Variants in FHOD3 observed in about 807,000 individuals in gnomAD.
FHOD3 encodes FH1/FH2 domain-containing protein 3.
Under a neutral mutation model 173.0 loss-of-function variants are expected in FHOD3, and 90 were observed. The observed-to-expected ratio is 0.52, with a 90% CI of 0.44 to 0.62. The LOEUF (loss-of-function observed/expected upper bound fraction) is 0.62, where lower values mean the gene tolerates loss of function less well. FHOD3 is among the 20% of genes least tolerant of loss of function. The probability of loss-of-function intolerance (pLI) is 0.00; values close to 1 mark genes in which losing one functional copy is unlikely to be tolerated. For missense variants in FHOD3, 1,945 were observed against 2,034.7 expected (o/e 0.96, Z 0.85); for synonymous variants, 828 against 823.0 (o/e 1.01, Z -0.10).
rs555945916 is a variant in FHOD3 at position 36,763,265 on chromosome 18, G to A, written c.4624+2483G>A. Among the ~76,000 whole-genome samples the A allele has an allele frequency of 1.8e-3, 264 of 143,566 alleles. 1 individual carries two copies. Among genetic ancestry groups the A allele is most frequent in the Admixed American group, 3.5e-3 (49 of 14,072 alleles). The allele number at this position is 143,566 out of a possible 152,430, so 94.2% of individuals were successfully genotyped here. ...ATTATACACGTTATATACAATATGCGTATTATACACGTTATATACAATATG... is the reference window on the plus strand; with the variant it reads ...ATTATACACGTTATATACAATATGCATATTATACACGTTATATACAATATG... On this transcript the variant is annotated intron_variant, in intron 27 of 28. Transcript: ENST00000590592.
intron 3 of FHOD3, among the ~76,000 whole-genome samples, chr18:36,462,208 A>AG (rs769808389): frequency 1.3e-3 from 197 of 152,120 alleles, no homozygotes; most frequent in Non-Finnish European, 1.8e-3. Context: ...CCAGGAACAG[A>AG]GGGAGACATC....
At chr18:36,593,259 T>C (rs2059288371) in intron 6 of FHOD3, among the ~76,000 whole-genome samples, 1 of 152,094 alleles carries the variant, frequency 6.6e-6, no homozygotes, top group Non-Finnish European at 1.5e-5. Flanking sequence ...TCCTATCATA[T>C]TGGGGTGATG....
At chr18:36,310,270 T>C (rs2092220804) in intron 1 of FHOD3, among the ~76,000 whole-genome samples, 1 of 152,238 alleles carries the variant, frequency 6.6e-6, no homozygotes, top group Non-Finnish European at 1.5e-5. Context: ...GTGAAAATGA[T>C]ATCCTTTATT....
At chr18:36,360,769 A>G (rs1425649158) in intron 2 of FHOD3, among the ~76,000 whole-genome samples, 1 of 152,162 alleles carries the variant, frequency 6.6e-6, no homozygotes, top group African/African-American at 2.4e-5. Context: ...CAAAGCCTTC[A>G]TTGGATTCTC....
chr18:36,550,063 CT>C (rs2057581642), intron 5 of FHOD3, among the ~76,000 whole-genome samples: 1 of 151,646 alleles, frequency 6.6e-6, no homozygotes, highest in Non-Finnish European at 1.5e-5. Context: ...AAAAAATGAT[CT>C]TTTCTTCTAT....
At chr18:36,513,137 A>G (rs555046367) in intron 5 of FHOD3, among the ~76,000 whole-genome samples, 1 of 151,838 alleles carries the variant, frequency 6.6e-6, no homozygotes, top group African/African-American at 2.4e-5. Flanking sequence ...TTTTATAGTC[A>G]TAGGTTTTTT....
At chr18:36,447,634 A>G (rs1422286117) in intron 3 of FHOD3, among the ~76,000 whole-genome samples, 1 of 152,352 alleles carries the variant, frequency 6.6e-6, no homozygotes, top group East Asian at 1.9e-4. Context: ...CTCCAGCCTC[A>G]GGAAGTACCC....
At chr18:36,520,747 C>A (rs538545396) in intron 5 of FHOD3, among the ~76,000 whole-genome samples, 1 of 152,342 alleles carries the variant, frequency 6.6e-6, no homozygotes, top group South Asian at 2.1e-4. Context: ...TTTCTCCTTC[C>A]TTTTATCTGA....
chr18:36,547,057 T>C (rs12957090), intron 5 of FHOD3, among the ~76,000 whole-genome samples: 65,519 of 152,028 alleles, frequency 0.43, 14,477 homozygotes, highest in Non-Finnish European at 0.49. Flanking sequence ...TGCCCTAAGC[T>C]GCCCCCTGGG....
At chr18:36,354,889 G>T (rs763536006) in intron 1 of FHOD3, among the ~76,000 whole-genome samples, 9 of 152,214 alleles carry the variant, frequency 5.9e-5, no homozygotes, top group Non-Finnish European at 1.0e-4. Context: ...TGGGGCAGGA[G>T]AATCACTTGA....
At chr18:36,754,065 T>C (rs1329555813) in intron 24 of FHOD3, among the ~76,000 whole-genome samples, 1 of 152,240 alleles carries the variant, frequency 6.6e-6, no homozygotes, top group African/African-American at 2.4e-5. Context: ...TTATCTACTT[T>C]GGTCACTTCT....
intron 3 of FHOD3, among the ~76,000 whole-genome samples, chr18:36,481,919 C>T (rs1038211662): frequency 6.6e-6 from 1 of 152,120 alleles, no homozygotes; most frequent in Non-Finnish European, 1.5e-5. Flanking sequence ...CATGTTTCCT[C>T]AACTCCGAAC....
At chr18:36,409,971 A>G (rs2049270803) in intron 3 of FHOD3, among the ~76,000 whole-genome samples, 1 of 152,236 alleles carries the variant, frequency 6.6e-6, no homozygotes, top group African/African-American at 2.4e-5. Flanking sequence ...CATGCCTGTC[A>G]TGATGCTGTG....
chr18:36,756,397 C>T (rs2042636019), intron 25 of FHOD3, among the ~76,000 whole-genome samples: 1 of 152,076 alleles, frequency 6.6e-6, no homozygotes, highest in South Asian at 2.1e-4. Flanking sequence ...AGCACATGGA[C>T]TTCTGGCAAT....
At chr18:36,578,071 A>G (rs2058720900) in intron 6 of FHOD3, among the ~76,000 whole-genome samples, 1 of 152,218 alleles carries the variant, frequency 6.6e-6, no homozygotes, top group Non-Finnish European at 1.5e-5. Flanking sequence ...GCCTGGATAC[A>G]GAATTTGAAC....
chr18:36,484,482 A>G (rs1048731609), intron 3 of FHOD3, among the ~76,000 whole-genome samples: 1 of 152,038 alleles, frequency 6.6e-6, no homozygotes, highest in African/African-American at 2.4e-5. Flanking sequence ...TATTCTCTAA[A>G]TATGGTATTA....
At chr18:36,631,094 C>A (rs1260876124) in intron 10 of FHOD3, among the ~76,000 whole-genome samples, 1 of 152,192 alleles carries the variant, frequency 6.6e-6, no homozygotes, top group Non-Finnish European at 1.5e-5. Flanking sequence ...ACTGATGCGG[C>A]AGTGGAGAGC....
chr18:36,696,969 CTAT>C (rs1894824454), intron 17 of FHOD3, among the ~76,000 whole-genome samples: 1 of 152,126 alleles, frequency 6.6e-6, no homozygotes, highest in South Asian at 2.1e-4. Context: ...AGTTTATTTC[CTAT>C]TATTTTTAGA....
intron 14 of FHOD3, among the ~76,000 whole-genome samples, chr18:36,676,930 T>A (rs1467662895): frequency 6.6e-6 from 1 of 152,224 alleles, no homozygotes; most frequent in Non-Finnish European, 1.5e-5. Flanking sequence ...ATGTTACAAG[T>A]AGTTTCTCCC....
Sources: allele counts gnomAD v4.1 joint callset (sites outside exome capture counted in the v4.1 genomes callset), GRCh38; gene constraint gnomAD v4.1.1; transcripts MANE v1.5; gene names NCBI Gene and HGNC (gene_info 2026-07-23, HGNC 2026-07-21).